SMARCA4: variants seen among roughly 807,000 people sequenced by gnomAD.
SMARCA4 encodes the protein SWI/SNF related BAF chromatin remodeling complex subunit ATPase 4, also known as SWI/SNF-related matrix-associated actin-dependent regulator of chromatin subfamily A member 4.
In SMARCA4, 31 loss-of-function variants were observed where a neutral mutation model predicts 193.9. The observed-to-expected ratio is 0.16, with a 90% CI of 0.12 to 0.22. The LOEUF is 0.22. SMARCA4 is among the 10% of genes least tolerant of loss of function. SMARCA4 has a pLI of 1.00. For missense variants in SMARCA4, 1,148 were observed against 2,296.0 expected, an observed-to-expected ratio of 0.50 and a Z score of 10.22; for synonymous variants, 942 against 933.1, an observed-to-expected ratio of 1.01 and a Z score of -0.17.
Position 11,027,918 on chromosome 19 carries a change from C to T in SMARCA4, c.3350C>T (p.Ala1117Val), listed in dbSNP as rs755069412. 3.1e-6 allele frequency: 5 copies of T among 1,614,168 alleles called. No homozygotes were observed. Among genetic ancestry groups the T allele is most frequent in the Non-Finnish European group, 4.2e-6 (5 of 1,180,018 alleles). ...ATGACCATCATGGAAGATTACTTTG[C>T]GTATCGCGGCTTTAAATACCTCAGG... ...SLMTIMEDYF[A>V]YRGFKYLRLD... is the part of the protein sequence containing the mutation. Residue 1117 changes from alanine to valine, a missense_variant, in exon 24 of 35, where the codon GCG becomes GTG. By Grantham distance (64) the Ala-to-Val change is moderately conservative. Around this residue, in one of 17 missense-constraint regions of SMARCA4, gnomAD observed 74 missense variants for 392.3 expected, o/e 0.19. Coordinates refer to ENST00000344626, the MANE Select transcript of SMARCA4 (RefSeq NM_003072.5).
At chr19:10,976,056 C>T (rs1450146306) in intron 1 of SMARCA4, among the ~76,000 whole-genome samples, 1 of 152,172 alleles carries the variant, frequency 6.6e-6, no homozygotes, top group Non-Finnish European at 1.5e-5. Context: ...ATTTCCCCTG[C>T]TAGTGACTTA....
At chr19:11,025,376 C>T (rs2146493700) in intron 21 of SMARCA4, 46 bp from the exon 22 acceptor site, 1 of 1,373,554 alleles carries the variant, frequency 7.3e-7, no homozygotes, top group South Asian at 1.2e-5. Context: ...CCACCCCACC[C>T]CAGGAGGGCA....
Position 11,060,040 on chromosome 19 carries a change from T to C in SMARCA4, c.4769-5T>C, listed in dbSNP as rs2147123179. 1 of 1,566,800 alleles carries C rather than the reference T, an allele frequency of 6.4e-7. No individual in the cohort carries two copies. The highest frequency in any genetic ancestry group is 1.2e-5 in the South Asian group (1 of 85,476). ...AGGCTGTCTTTCCCTCCCGGTCCCC[T>C]CCAGCTCGGTCCGTCAAAGTGAAGA... On this transcript the variant is annotated splice_region_variant and splice_polypyrimidine_tract_variant and intron_variant, in intron 33 of 34. Transcript: ENST00000344626.
At position 11,010,349 on chromosome 19, in the gene SMARCA4, G is replaced by A. The variant is rs1269049149; in HGVS notation, c.2124-32G>A. 5 of 1,612,314 alleles carry A rather than the reference G, an allele frequency of 3.1e-6. No individual in the cohort carries two copies. The African/African-American group carries it at 6.7e-5, about 22-fold the overall frequency. ...CACATTGTCACAGATAGGAATGTGT[G>A]TCCTTACCCGGCACCTCCATCTCAC... On this transcript the variant is annotated intron_variant, in intron 14 of 34. Transcript: ENST00000344626.
At chr19:11,008,090 A>G in intron 14 of SMARCA4, 67 bp downstream of exon 14, 1 of 1,531,800 alleles carries the variant, frequency 6.5e-7, no homozygotes, top group Non-Finnish European at 8.9e-7. Context: ...GGGAGTGGCT[A>G]GAATCCCAGC....
At chr19:10,977,918 AGT>A (rs1254549324) in intron 1 of SMARCA4, 4 of 152,208 alleles carry the variant, frequency 2.6e-5, no homozygotes, top group Non-Finnish European at 4.4e-5. Context: ...CCATGTTCAG[AGT>A]GTGGGATGCA....
intron 6 of SMARCA4, among the ~76,000 whole-genome samples, chr19:10,988,567 A>G (rs1227332872): frequency 6.6e-6 from 1 of 152,008 alleles, no homozygotes; most frequent in Non-Finnish European, 1.5e-5. Flanking sequence ...TTTATTTAAC[A>G]AGTTAGACTT....
chr19:11,025,582 G>C (rs1230278349), intron 22 of SMARCA4, 74 bp downstream of exon 22: 5 of 1,046,688 alleles, frequency 4.8e-6, no homozygotes, highest in East Asian at 2.4e-5. Flanking sequence ...GCTTCTCCTC[G>C]ACAGCTCTTT....
At chr19:10,999,478 A>C (rs2087418347) in intron 11 of SMARCA4, among the ~76,000 whole-genome samples, 1 of 151,958 alleles carries the variant, frequency 6.6e-6, no homozygotes, top group Non-Finnish European at 1.5e-5. Flanking sequence ...GCAATATGGC[A>C]AAACCTTGTC....
chr19:11,034,034 T>C lies in SMARCA4; in HGVS notation c.3874-89T>C, dbSNP rs1247870414. 2.0e-6 allele frequency: 2 copies of C among 998,332 alleles called. No individual in the cohort carries two copies. The highest frequency in any genetic ancestry group is 4.7e-5 in the East Asian group (2 of 42,124). The allele number at this position is 998,332 out of a possible 1,614,324, so 61.8% of individuals were successfully genotyped here. A position where few individuals can be genotyped will look rare whatever the true frequency, so the allele number is the denominator to read the frequency against. ...CAGCCGTGCCGGGACCACCAGCTCA[T>C]TCCCACGGACGCCGCCGCTCGCCTC... On this transcript the variant is annotated intron_variant, in intron 27 of 34. Coordinates refer to ENST00000344626, the MANE Select transcript of SMARCA4 (RefSeq NM_003072.5). The surrounding 1 kb of genome is among the most constrained non-coding windows in gnomAD (Gnocchi z 7.0).
intron 1 of SMARCA4, among the ~76,000 whole-genome samples, chr19:10,971,987 G>A (rs559379949): frequency 3.8e-4 from 53 of 139,410 alleles, no homozygotes; most frequent in Non-Finnish European, 7.0e-4. Context: ...ACGGAGTCTC[G>A]CTCTGTCACC....
chr19:10,966,597 G>A (rs1281207865), intron 1 of SMARCA4, among the ~76,000 whole-genome samples: 1 of 151,394 alleles, frequency 6.6e-6, no homozygotes, highest in Non-Finnish European at 1.5e-5. Flanking sequence ...TAAAAAAGCC[G>A]GGGGTTGGGC....
Position 11,030,966 on chromosome 19 carries a change from G to C in SMARCA4, c.3546+73G>C. On this transcript the variant is annotated intron_variant, in intron 25 of 34. Coordinates refer to ENST00000344626, the MANE Select transcript of SMARCA4 (RefSeq NM_003072.5). The surrounding 1 kb of genome is among the most constrained non-coding windows in gnomAD (Gnocchi z 5.5). ...GCAAAACCTCGAGGAGACGGCCCTG[G>C]CTTGAGGGTCCTCCAGCCTCCTCCA... The C allele has an allele frequency of 7.1e-7, 1 of 1,413,432 alleles. No homozygotes were observed. The highest frequency in any genetic ancestry group is 9.8e-7 in the Non-Finnish European group (1 of 1,023,958). The allele number at this position is 1,413,432 out of a possible 1,614,324, so 87.6% of individuals were successfully genotyped here. A position where few individuals can be genotyped will look rare whatever the true frequency, so the allele number is the denominator to read the frequency against.
rs1309825975 is a variant in SMARCA4 at position 10,984,166 on chromosome 19, C to T, written c.15C>T (p.Asp5=). The T allele has an allele frequency of 1.2e-6, 2 of 1,613,618 alleles. No homozygotes were observed. The highest frequency in any genetic ancestry group is 1.7e-5 in the Admixed American group (1 of 60,024). Residue 5 remains aspartate (D), a synonymous_variant, in exon 2 of 35, where the codon GAC becomes GAT. Coordinates refer to ENST00000344626, the MANE Select transcript of SMARCA4 (RefSeq NM_003072.5). This position sits in a 1 kb window ranked among gnomAD's most constrained non-coding sequence, Gnocchi z 4.3. MSTP[D]PPLGGTPRPG... is the part of the protein sequence containing the mutation. ...CTCCCGTGAAGATGTCCACTCCAGA[C>T]CCACCCCTGGGCGGAACTCCTCGGC...
intron 11 of SMARCA4, among the ~76,000 whole-genome samples, chr19:11,002,587 A>G (rs1319508294): frequency 6.6e-6 from 1 of 152,216 alleles, no homozygotes; most frequent in African/African-American, 2.4e-5. Context: ...ACATGAGGCC[A>G]GAAGTTTGAG....
intron 14 of SMARCA4, among the ~76,000 whole-genome samples, chr19:11,009,626 T>C (rs2088616493): frequency 6.6e-6 from 1 of 151,556 alleles, no homozygotes; most frequent in African/African-American, 2.4e-5. Context: ...CTTAAGTGTT[T>C]CTTTTACCTC....
chr19:11,017,152 G>C (rs995239662), intron 16 of SMARCA4, among the ~76,000 whole-genome samples: 1 of 152,228 alleles, frequency 6.6e-6, no homozygotes, highest in African/African-American at 2.4e-5. Context: ...CTGCGGCTCT[G>C]AGTGAGGACC....
chr19:11,025,843 A>G (rs1218139888), intron 22 of SMARCA4, among the ~76,000 whole-genome samples: 2 of 152,198 alleles, frequency 1.3e-5, no homozygotes, highest in African/African-American at 2.4e-5. Flanking sequence ...CGGGGCGTCA[A>G]GAGTCACCAC....
At chr19:11,029,113 G>T (rs2090462937) in intron 24 of SMARCA4, among the ~76,000 whole-genome samples, 1 of 152,202 alleles carries the variant, frequency 6.6e-6, no homozygotes, top group South Asian at 2.1e-4. Flanking sequence ...GGTCTCCCCG[G>T]CTTGCCTTCT....
Sources: allele counts gnomAD v4.1 joint callset (sites outside exome capture counted in the v4.1 genomes callset), GRCh38; gene constraint gnomAD v4.1.1; regional missense constraint gnomAD v4.1.1; non-coding constraint Gnocchi (gnomAD v3.1); transcripts MANE v1.5; gene names NCBI Gene and HGNC (gene_info 2026-07-23, HGNC 2026-07-21).